TRAF3: variants seen among roughly 807,000 people sequenced by gnomAD.
The protein encoded by TRAF3 is TNF receptor-associated factor 3.
Under a neutral mutation model 62.3 loss-of-function variants are expected in TRAF3, and 13 were observed. The ratio of observed to expected loss-of-function variants is 0.21; its 90% CI spans 0.14 to 0.33. The LOEUF (loss-of-function observed/expected upper bound fraction) is 0.33. Among genes scored for constraint, TRAF3 ranks in the 10% least tolerant of loss-of-function variants. The pLI, the probability that TRAF3 is intolerant of heterozygous loss-of-function variation, is 1.00. For synonymous variants in TRAF3, 269 were observed against 283.4 expected, an observed-to-expected ratio of 0.95 and a Z score of 0.51; for missense variants, 440 against 741.8, an observed-to-expected ratio of 0.59 and a Z score of 4.73.
intron 6 of TRAF3, among the ~76,000 whole-genome samples, chr14:102,878,118 T>G (rs538423781): frequency 6.6e-5 from 10 of 152,318 alleles, no homozygotes; most frequent in Admixed American, 4.6e-4. Flanking sequence ...GAATAGTTAT[T>G]CAAAAAAGGT....
At position 102,906,013 on chromosome 14, in the gene TRAF3, A is replaced by G; in HGVS notation, c.*229A>G. 1 of 463,660 alleles carries G rather than the reference A, an allele frequency of 2.2e-6. No homozygotes were observed. The highest frequency in any genetic ancestry group is 3.3e-5 in the East Asian group (1 of 30,322). 28.7% of individuals were successfully genotyped at this position (463,660 alleles called of 1,614,324 possible). On this transcript the variant is annotated 3_prime_UTR_variant, in exon 12 of 12. Transcript: ENST00000392745. Reference sequence around the variant, plus strand: ...GAATTATTTATCCTTCAACAAGATAAATATTGCTGTCAGAGAAGGTTTTCA... The same window carrying G: ...GAATTATTTATCCTTCAACAAGATAGATATTGCTGTCAGAGAAGGTTTTCA...
At chr14:102,879,854 C>A (rs1417989181) in intron 6 of TRAF3, among the ~76,000 whole-genome samples, 3 of 152,054 alleles carry the variant, frequency 2.0e-5, no homozygotes, top group African/African-American at 7.2e-5. Context: ...TGGTAGCTCA[C>A]ACCTGTGTGC....
At chr14:102,882,134 C>T (rs543226967) in intron 6 of TRAF3, among the ~76,000 whole-genome samples, 4 of 152,242 alleles carry the variant, frequency 2.6e-5, no homozygotes, top group Non-Finnish European at 4.4e-5. Flanking sequence ...ATAGCTTAGC[C>T]GGAGTGTCAA....
At chr14:102,824,239 ACTT>A (rs918705393) in intron 1 of TRAF3, among the ~76,000 whole-genome samples, 23 of 152,242 alleles carry the variant, frequency 1.5e-4, no homozygotes, top group African/African-American at 5.1e-4. Context: ...TGACCTAGCG[ACTT>A]CTTGTGTCAT....
At chr14:102,840,730 G>A (rs1013538117) in intron 2 of TRAF3, among the ~76,000 whole-genome samples, 1 of 152,002 alleles carries the variant, frequency 6.6e-6, no homozygotes, top group Non-Finnish European at 1.5e-5. Context: ...TGTGCCTAAG[G>A]CAAGTACCTC....
rs1887740032 is a variant in TRAF3 at position 102,862,484 on chromosome 14, T to A, written c.-17-7701T>A. On this transcript the variant is annotated intron_variant, in intron 2 of 11. Coordinates refer to ENST00000392745, the MANE Select transcript of TRAF3 (RefSeq NM_145725.3). Reference sequence around the variant, plus strand: ...TTTGTCACCTTTCGGCCTCCATGGCTTTAGATGAGAAATCAGTTGTTAATC... The same window carrying A: ...TTTGTCACCTTTCGGCCTCCATGGCATTAGATGAGAAATCAGTTGTTAATC... 2.0e-5 allele frequency among the ~76,000 whole-genome samples: 3 copies of A among 152,098 alleles called. No individual in the cohort carries two copies. In the South Asian group the frequency reaches 6.2e-4, roughly 32 times the overall value.
intron 2 of TRAF3, among the ~76,000 whole-genome samples, chr14:102,846,812 C>T (rs944419193): frequency 1.3e-5 from 2 of 151,918 alleles, no homozygotes; most frequent in African/African-American, 2.4e-5. Context: ...CAAGATGCTG[C>T]GTCAACAAAT....
intron 3 of TRAF3, 103 bp from the exon 4 acceptor site, chr14:102,871,814 C>A: frequency 9.6e-7 from 1 of 1,044,618 alleles, no homozygotes; most frequent in Non-Finnish European, 1.5e-6. Context: ...TTGCTGTGAG[C>A]CACTGTGCAG....
At chr14:102,787,708 A>T (rs1006477265) in intron 1 of TRAF3, among the ~76,000 whole-genome samples, 1 of 151,142 alleles carries the variant, frequency 6.6e-6, no homozygotes, top group Admixed American at 6.6e-5. Flanking sequence ...CAACAACAAC[A>T]CTTCGATTTA....
chr14:102,796,250 A>G (rs1898078422), intron 1 of TRAF3, among the ~76,000 whole-genome samples: 1 of 152,252 alleles, frequency 6.6e-6, no homozygotes, highest in African/African-American at 2.4e-5. Flanking sequence ...ACAGCGTTCA[A>G]GAGCTTCCAA....
chr14:102,787,764 A>G (rs935590408), intron 1 of TRAF3, among the ~76,000 whole-genome samples: 14 of 151,068 alleles, frequency 9.3e-5, no homozygotes, highest in South Asian at 2.1e-4. Context: ...GGTCTTCTGA[A>G]CACCCTAATT....
At chr14:102,899,081 C>T (rs1007229169) in intron 10 of TRAF3, among the ~76,000 whole-genome samples, 5 of 152,236 alleles carry the variant, frequency 3.3e-5, no homozygotes, top group South Asian at 2.1e-4. Flanking sequence ...TGCAGGGACA[C>T]GGCTCTGCCT....
At chr14:102,834,840 C>T (rs1399030778) in intron 2 of TRAF3, among the ~76,000 whole-genome samples, 1 of 152,028 alleles carries the variant, frequency 6.6e-6, no homozygotes, top group African/African-American at 2.4e-5. Context: ...CAGGAACTGA[C>T]AAAGGTTTCA....
chr14:102,808,009 A>G (rs540261701), intron 1 of TRAF3, among the ~76,000 whole-genome samples: 1 of 152,322 alleles, frequency 6.6e-6, no homozygotes, highest in South Asian at 2.1e-4. Context: ...CGTCTGAAAG[A>G]AATGAAATTT....
chr14:102,864,490 C>CT (rs1249576219), intron 2 of TRAF3, among the ~76,000 whole-genome samples: 3 of 152,052 alleles, frequency 2.0e-5, no homozygotes, highest in Non-Finnish European at 4.4e-5. Context: ...GAAGGATGGA[C>CT]TTTGAGTTCC....
chr14:102,793,178 G>A (rs1897899048), intron 1 of TRAF3, among the ~76,000 whole-genome samples: 1 of 151,940 alleles, frequency 6.6e-6, no homozygotes, highest in Non-Finnish European at 1.5e-5. Flanking sequence ...TTGAGACAGG[G>A]TCTTACTCTG....
chr14:102,855,566 C>G (rs764048430), intron 2 of TRAF3, among the ~76,000 whole-genome samples: 23 of 152,012 alleles, frequency 1.5e-4, no homozygotes, highest in Non-Finnish European at 2.8e-4. Flanking sequence ...GAGGCCGAGG[C>G]AGGCAGATCA....
At position 102,785,793 on chromosome 14, in the gene TRAF3, C is replaced by T. The variant is rs116978993; in HGVS notation, c.-157+8118C>T. 3.5e-4 allele frequency among the ~76,000 whole-genome samples: 54 copies of T among 152,268 alleles called. 1 individual carries two copies. The East Asian group carries it at 0.01, about 29-fold the overall frequency. On this transcript the variant is annotated intron_variant, in intron 1 of 11. Coordinates refer to ENST00000392745, the MANE Select transcript of TRAF3 (RefSeq NM_145725.3). ...GAGATGTAGGGGCTTGTTTCATGGC[C>T]ATTTGTACCTGCTCCAGGAAGGGCT...
intron 6 of TRAF3, among the ~76,000 whole-genome samples, chr14:102,883,180 G>A (rs1171413414): frequency 2.0e-5 from 3 of 152,196 alleles, no homozygotes; most frequent in South Asian, 4.1e-4. Context: ...AACAGCCGGA[G>A]CACCCATCAG....
Sources: gnomAD v4.1 joint callset for allele counts (sites outside exome capture counted in the v4.1 genomes callset) on GRCh38, gnomAD v4.1.1 for gene constraint, MANE v1.5 for transcripts, NCBI Gene and HGNC (gene_info 2026-07-23, HGNC 2026-07-21) for gene names.